CPPED1: variants seen among roughly 807,000 people sequenced by gnomAD.
CPPED1 encodes the protein calcineurin like phosphoesterase domain containing 1, also known as serine/threonine-protein phosphatase CPPED1.
Under a neutral mutation model 28.0 loss-of-function variants are expected in CPPED1, and 28 were observed. The ratio of observed to expected loss-of-function variants is 1.00; its 90% CI spans 0.74 to 1.37. CPPED1 has a LOEUF of 1.37. Ranked by LOEUF, CPPED1 falls within the 40% of genes most tolerant of loss-of-function variation. The pLI is 0.00. For missense variants in CPPED1, 504 were observed against 416.5 expected, an observed-to-expected ratio of 1.21 and a Z score of -1.83; for synonymous variants, 198 against 180.2, an observed-to-expected ratio of 1.10 and a Z score of -0.79.
Position 12,670,881 on chromosome 16 carries a change from C to G in CPPED1, c.716-5766G>C, listed in dbSNP as rs941135451. On this transcript the variant is annotated intron_variant, in intron 3 of 3. Transcript: ENST00000381774. The surrounding 1 kb of genome is among the most constrained non-coding windows in gnomAD (Gnocchi z 4.2). ...TAATATATTTTTTGAGGTGGAGTCT[C>G]ACTGTGACGCCCATGCTGAAGTACA... 6.6e-6 allele frequency among the ~76,000 whole-genome samples: 1 copy of G among 152,142 alleles called. No homozygotes were observed. The highest frequency in any genetic ancestry group is 1.5e-5 in the Non-Finnish European group (1 of 68,036).
chr16:12,721,012 T>A (rs552888195), intron 2 of CPPED1, among the ~76,000 whole-genome samples: 3 of 152,188 alleles, frequency 2.0e-5, no homozygotes, highest in African/African-American at 7.2e-5. Flanking sequence ...CCTAGATGGA[T>A]AGGATGAGCT....
At position 12,662,052 on chromosome 16, in the gene CPPED1, C is replaced by T. The variant is rs536466301; in HGVS notation, c.*2834G>A. ...GCCATCTACATCCGTTCTTTCTCCA[C>T]CAAGATGAGTTAGGCGACCTTGGCC... On this transcript the variant is annotated 3_prime_UTR_variant, in exon 4 of 4. Transcript: ENST00000381774. 6.6e-6 allele frequency: 1 copy of T among 152,378 alleles called. No individual in the cohort carries two copies. Among genetic ancestry groups the T allele is most frequent in the Non-Finnish European group, 1.5e-5 (1 of 68,060 alleles). The allele number at this position is 152,378 out of a possible 1,614,324, so 9.4% of individuals were successfully genotyped here.
chr16:12,745,334 G>A (rs1234534933), intron 2 of CPPED1, among the ~76,000 whole-genome samples: 1 of 152,122 alleles, frequency 6.6e-6, no homozygotes, highest in Admixed American at 6.6e-5. Flanking sequence ...ATACCCAGAG[G>A]AATATAAAGC....
At chr16:12,751,172 A>G (rs1009721783) in intron 2 of CPPED1, among the ~76,000 whole-genome samples, 3 of 152,222 alleles carry the variant, frequency 2.0e-5, no homozygotes, top group Non-Finnish European at 4.4e-5. Context: ...TAAAGATAAT[A>G]CTTACCTCTG....
Position 12,664,526 on chromosome 16 carries a change from G to C in CPPED1, c.*360C>G. On this transcript the variant is annotated 3_prime_UTR_variant, in exon 4 of 4. Transcript: ENST00000381774. The surrounding 1 kb of genome is among the most constrained non-coding windows in gnomAD (Gnocchi z 4.2). ...TATCAAAGATCATACTTGGCTGTCA[G>C]ATTGGAATTGAGGTCGATAGGCAGA... 1.9e-6 allele frequency: 2 copies of C among 1,073,078 alleles called. No homozygotes were observed. The highest frequency in any genetic ancestry group is 2.3e-6 in the Non-Finnish European group (2 of 886,018). The allele number at this position is 1,073,078 out of a possible 1,614,324, so 66.5% of individuals were successfully genotyped here. A position where few individuals can be genotyped will look rare whatever the true frequency, so the allele number is the denominator to read the frequency against.
intron 2 of CPPED1, among the ~76,000 whole-genome samples, chr16:12,738,249 C>G (rs566016356): frequency 6.6e-6 from 1 of 151,826 alleles, no homozygotes; most frequent in Non-Finnish European, 1.5e-5. Context: ...AATTGCAGCA[C>G]ACAAAACCGC....
rs1359842120 is a variant in CPPED1, at chr16:12,715,065, T to C, written c.290-10016A>G. On this transcript the variant is annotated intron_variant, in intron 2 of 3. Coordinates refer to ENST00000381774, the MANE Select transcript of CPPED1 (RefSeq NM_018340.3). ...TGTTGAAAAGACTACCCTTTCCCCA[T>C]TGAATTGTCTTGGCGCCCTTGTCAA... is the stretch of plus-strand genomic sequence containing the variant. Among the ~76,000 whole-genome samples, 3 of 152,272 alleles carry C rather than the reference T, an allele frequency of 2.0e-5. No homozygotes were observed. The East Asian group carries it at 5.8e-4, about 29-fold the overall frequency.
chr16:12,735,037 G>T (rs540363497), intron 2 of CPPED1, among the ~76,000 whole-genome samples: 3 of 152,156 alleles, frequency 2.0e-5, no homozygotes, highest in Admixed American at 2.0e-4. Context: ...AACAGGCAGA[G>T]AAGCAGCCGG....
intron 3 of CPPED1, among the ~76,000 whole-genome samples, chr16:12,671,835 G>A (rs1008526392): frequency 1.3e-5 from 2 of 152,172 alleles, no homozygotes; most frequent in African/African-American, 4.8e-5. Context: ...TTATAATGCT[G>A]TATTTTCACT....
chr16:12,734,896 T>C (rs1391599337), intron 2 of CPPED1, among the ~76,000 whole-genome samples: 1 of 151,970 alleles, frequency 6.6e-6, no homozygotes, highest in Non-Finnish European at 1.5e-5. Context: ...GGTCAGGTGG[T>C]AAAGGGATCC....
At chr16:12,739,385 G>A (rs1030252150) in intron 2 of CPPED1, among the ~76,000 whole-genome samples, 2 of 152,068 alleles carry the variant, frequency 1.3e-5, no homozygotes, top group Non-Finnish European at 2.9e-5. Flanking sequence ...TTCAAGACCA[G>A]GTTGGCCAAC....
At chr16:12,781,531 G>T in intron 1 of CPPED1, 128 bp from the exon 2 acceptor site, 3 of 778,726 alleles carry the variant, frequency 3.9e-6, no homozygotes, top group African/African-American at 1.7e-5. Flanking sequence ...ATAAGCTGTG[G>T]TTCAAACATA....
At chr16:12,780,424 C>A (rs139098290) in intron 2 of CPPED1, among the ~76,000 whole-genome samples, 1,557 of 152,210 alleles carry the variant, frequency 0.01, 27 homozygotes, top group African/African-American at 0.036. Flanking sequence ...GATCCGCCCA[C>A]CTCAGCCTCC....
chr16:12,694,538 T>C (rs1448587676), intron 3 of CPPED1, among the ~76,000 whole-genome samples: 3 of 152,124 alleles, frequency 2.0e-5, no homozygotes, highest in Admixed American at 6.6e-5. Context: ...TCTAGGTTTA[T>C]AGTGAATGAG....
At chr16:12,794,444 G>A (rs2080614907) in intron 1 of CPPED1, among the ~76,000 whole-genome samples, 1 of 146,288 alleles carries the variant, frequency 6.8e-6, no homozygotes, top group African/African-American at 2.6e-5. Flanking sequence ...GTGTCCTTCA[G>A]GACCCTGTCC....
chr16:12,790,889 C>T (rs1052658230), intron 1 of CPPED1, among the ~76,000 whole-genome samples: 4 of 140,086 alleles, frequency 2.9e-5, no homozygotes, highest in Admixed American at 7.6e-5. Flanking sequence ...CACTGCACTC[C>T]AGCCTGGTGA....
intron 3 of CPPED1, among the ~76,000 whole-genome samples, chr16:12,686,567 C>A (rs2079934600): frequency 6.6e-6 from 1 of 152,178 alleles, no homozygotes; most frequent in South Asian, 2.1e-4. Flanking sequence ...AACCCTCTTG[C>A]CTTCAGTAGG....
chr16:12,708,122 G>T (rs932888569), intron 2 of CPPED1, among the ~76,000 whole-genome samples: 3 of 152,120 alleles, frequency 2.0e-5, no homozygotes, highest in African/African-American at 7.2e-5. Flanking sequence ...ACTCCAGCCT[G>T]GGCAACAGAG....
chr16:12,683,473 T>C (rs2079916462), intron 3 of CPPED1, among the ~76,000 whole-genome samples: 2 of 152,158 alleles, frequency 1.3e-5, no homozygotes. Context: ...TTCAGAATCA[T>C]TTCCCAGCCA....
Sources: gnomAD v4.1 joint callset for allele counts (sites outside exome capture counted in the v4.1 genomes callset) on GRCh38, gnomAD v4.1.1 for gene constraint, Gnocchi (gnomAD v3.1) non-coding constraint, MANE v1.5 for transcripts, NCBI Gene and HGNC (gene_info 2026-07-23, HGNC 2026-07-21) for gene names.